PACRG: variants seen among roughly 807,000 people sequenced by gnomAD.
PACRG encodes parkin coregulated gene protein.
In PACRG, 29 loss-of-function variants were observed where a neutral mutation model predicts 29.7. The ratio of observed to expected loss-of-function variants is 0.98; its 90% CI spans 0.73 to 1.33. The LOEUF (loss-of-function observed/expected upper bound fraction) is 1.33. PACRG is among the 40% of genes most tolerant of loss of function. The pLI is 0.00. For synonymous variants in PACRG, 116 were observed against 118.7 expected, an observed-to-expected ratio of 0.98 and a Z score of 0.15; for missense variants, 279 against 316.2, an observed-to-expected ratio of 0.88 and a Z score of 0.89.
chr6:162,952,321 G>T (rs1390292810), intron 2 of PACRG, among the ~76,000 whole-genome samples: 1 of 152,104 alleles, frequency 6.6e-6, no homozygotes, highest in African/African-American at 2.4e-5. Context: ...TCAGCAGCTA[G>T]GTATTAAAAC....
rs1167073171 is a variant in PACRG, at chr6:163,296,576, G to A, written c.614-18251G>A. On this transcript the variant is annotated intron_variant, in intron 4 of 4. Coordinates refer to ENST00000366888, the MANE Select transcript of PACRG (RefSeq NM_001080379.2). ...CAAAAGTGCTGGTGGAATTACAGGC[G>A]TGAGCCACTGCGCCCAGCCCACCAT... Among the ~76,000 whole-genome samples, 8 of 152,176 alleles carry A rather than the reference G, an allele frequency of 5.3e-5. No homozygotes were observed. In the East Asian group the frequency reaches 5.8e-4, roughly 11 times the overall value.
chr6:163,022,966 G>A (rs573665482), intron 2 of PACRG, among the ~76,000 whole-genome samples: 1 of 151,930 alleles, frequency 6.6e-6, no homozygotes, highest in Admixed American at 6.6e-5. Flanking sequence ...TTTTTACTTT[G>A]ACTTACTGGA....
chr6:162,846,737 G>A (rs773253869), intron 2 of PACRG, among the ~76,000 whole-genome samples: 1 of 152,140 alleles, frequency 6.6e-6, no homozygotes, highest in Non-Finnish European at 1.5e-5. Context: ...TTGGCTTTTT[G>A]TAGCCTTTTG....
intron 2 of PACRG, among the ~76,000 whole-genome samples, chr6:163,053,509 A>T (rs183204032): frequency 1.3e-5 from 2 of 152,304 alleles, no homozygotes; most frequent in East Asian, 3.9e-4. Flanking sequence ...CAACTATTAG[A>T]TATCAATTTT....
chr6:163,159,008 A>G (rs1778439574), intron 4 of PACRG, among the ~76,000 whole-genome samples: 1 of 152,162 alleles, frequency 6.6e-6, no homozygotes, highest in Admixed American at 6.5e-5. Flanking sequence ...TGCCTTTAAG[A>G]ATAAGCTGCT....
intron 2 of PACRG, among the ~76,000 whole-genome samples, chr6:162,956,052 C>A (rs1356696998): frequency 6.6e-6 from 1 of 152,172 alleles, no homozygotes; most frequent in African/African-American, 2.4e-5. Flanking sequence ...CTTTGCTCCC[C>A]AGGGCAAGCA....
intron 2 of PACRG, among the ~76,000 whole-genome samples, chr6:162,981,305 A>ATATATATATATT (rs925663285): frequency 7.8e-4 from 116 of 149,154 alleles, no homozygotes; most frequent in African/African-American, 2.8e-3. Flanking sequence ...ATATATATAT[A>ATATATATATATT]TTTACAATGG....
At chr6:162,867,171 A>G (rs757441903) in intron 2 of PACRG, among the ~76,000 whole-genome samples, 2 of 152,114 alleles carry the variant, frequency 1.3e-5, no homozygotes, top group Non-Finnish European at 2.9e-5. Flanking sequence ...TGTCACCTGA[A>G]TGCTCCCCAG....
intron 2 of PACRG, among the ~76,000 whole-genome samples, chr6:162,855,497 C>G (rs1039076472): frequency 6.0e-5 from 9 of 150,942 alleles, no homozygotes; most frequent in Admixed American, 5.3e-4. Flanking sequence ...AACTGTTATT[C>G]TAAGAAAAAA....
chr6:162,781,178 A>G (rs1784065483), intron 1 of PACRG, among the ~76,000 whole-genome samples: 1 of 152,066 alleles, frequency 6.6e-6, no homozygotes, highest in Admixed American at 6.5e-5. Flanking sequence ...GAAAGATGAA[A>G]CCTATGACAC....
intron 2 of PACRG, among the ~76,000 whole-genome samples, chr6:162,995,680 A>G (rs1803963677): frequency 1.3e-5 from 2 of 152,232 alleles, no homozygotes; most frequent in South Asian, 2.1e-4. Context: ...CTCCGATGGA[A>G]ATGCAGAAAT....
chr6:163,134,651 A>G (rs1003544668), intron 4 of PACRG, among the ~76,000 whole-genome samples: 1 of 152,204 alleles, frequency 6.6e-6, no homozygotes, highest in Non-Finnish European at 1.5e-5. Context: ...GGTGCATCCA[A>G]ATTTCAGAAA....
At chr6:162,984,388 T>C (rs987144931) in intron 2 of PACRG, among the ~76,000 whole-genome samples, 3 of 152,062 alleles carry the variant, frequency 2.0e-5, no homozygotes, top group African/African-American at 7.2e-5. Flanking sequence ...TCATGGTATA[T>C]GCATACCACA....
chr6:163,309,773 G>C (rs1362331246), intron 4 of PACRG, among the ~76,000 whole-genome samples: 1 of 152,180 alleles, frequency 6.6e-6, no homozygotes, highest in Non-Finnish European at 1.5e-5. Flanking sequence ...CCGTGGACCT[G>C]ACAACTCTGC....
chr6:163,015,325 A>G (rs1805991800), intron 2 of PACRG, among the ~76,000 whole-genome samples: 1 of 152,084 alleles, frequency 6.6e-6, no homozygotes, highest in African/African-American at 2.4e-5. Context: ...TGCTTTGGCT[A>G]TTCGGCCTCA....
chr6:163,245,770 G>A (rs1250878132), intron 4 of PACRG, among the ~76,000 whole-genome samples: 3 of 152,046 alleles, frequency 2.0e-5, no homozygotes, highest in Non-Finnish European at 4.4e-5. Context: ...TAAACTGAAG[G>A]CGCTCAAGAC....
chr6:162,779,606 T>C (rs944856567), intron 1 of PACRG, among the ~76,000 whole-genome samples: 1 of 152,182 alleles, frequency 6.6e-6, no homozygotes, highest in Non-Finnish European at 1.5e-5. Flanking sequence ...CATCTAACAA[T>C]GTTATAACAG....
At chr6:162,792,190 G>A (rs910206823) in intron 1 of PACRG, among the ~76,000 whole-genome samples, 3 of 152,070 alleles carry the variant, frequency 2.0e-5, no homozygotes, top group Non-Finnish European at 4.4e-5. Context: ...CTTGATCTAG[G>A]CAGCATCTGC....
intron 4 of PACRG, among the ~76,000 whole-genome samples, chr6:163,162,318 G>C (rs780276676): frequency 6.6e-6 from 1 of 152,220 alleles, no homozygotes; most frequent in Non-Finnish European, 1.5e-5. Flanking sequence ...TAAAGCTCTG[G>C]TGGGACCTTG....
Sources: gnomAD v4.1 joint callset for allele counts (sites outside exome capture counted in the v4.1 genomes callset) on GRCh38, gnomAD v4.1.1 for gene constraint, MANE v1.5 for transcripts, NCBI Gene and HGNC (gene_info 2026-07-23, HGNC 2026-07-21) for gene names.